Variants in UGDH observed in about 807,000 individuals in gnomAD.
UGDH encodes the protein UDP-glucose 6-dehydrogenase, also known as UDP-Glc dehydrogenase.
Under a neutral mutation model 50.6 loss-of-function variants are expected in UGDH, and 38 were observed. That is an observed-to-expected ratio of 0.75 (90% CI 0.58 to 0.98). UGDH has a LOEUF of 0.98. Among genes scored for constraint, UGDH ranks in the 50% least tolerant of loss-of-function variants. The pLI is 0.00. For missense variants in UGDH, 465 were observed against 606.2 expected, an observed-to-expected ratio of 0.77 and a Z score of 2.45; for synonymous variants, 168 against 199.9, an observed-to-expected ratio of 0.84 and a Z score of 1.35.
At position 39,500,139 on chromosome 4, in the gene UGDH, A is replaced by G. The variant is rs774232472; in HGVS notation, c.*4T>C. On this transcript the variant is annotated 3_prime_UTR_variant, in exon 12 of 12. Transcript: ENST00000316423. Reference sequence around the variant, plus strand: ...AAAAAAATCACAAATAAAAATGGCAATCTCTACACTTTAGGTTTCTTGTTA... The same window carrying G: ...AAAAAAATCACAAATAAAAATGGCAGTCTCTACACTTTAGGTTTCTTGTTA... 2 of 1,511,538 alleles carry G rather than the reference A, an allele frequency of 1.3e-6. No homozygotes were observed. Among genetic ancestry groups the G allele is most frequent in the Middle Eastern group, 1.8e-4 (1 of 5,554 alleles). The allele number at this position is 1,511,538 out of a possible 1,614,324, so 93.6% of individuals were successfully genotyped here.
At position 39,510,692 on chromosome 4, in the gene UGDH, T is replaced by C; in HGVS notation, c.434A>G (p.Asp145Gly). Residue 145 changes from aspartate to glycine, a missense_variant, in exon 4 of 12, where the codon GAT becomes GGT. Transcript: ENST00000316423. ...RAAESIRRIF[D>G]ANTKPNLNLQ... ...ATTCAAGTTGGGTTTTGTGTTTGCA[T>C]CAAATATGCGACGGATACTTTCTGC... 6.2e-7 allele frequency: 1 copy of C among 1,614,254 alleles called. No homozygotes were observed. The highest frequency in any genetic ancestry group is 2.2e-5 in the East Asian group (1 of 44,892).
In UGDH at chr4:39,504,484, T is replaced by C. The variant is rs763473129; in HGVS notation, c.1196A>G (p.Lys399Arg). Residue 399 changes from lysine (K) to arginine (R), a missense_variant, in exon 10 of 12, where the codon AAG becomes AGG. Physicochemically the swap from Lys to Arg is conservative, Grantham distance 26. Coordinates refer to ENST00000316423, the MANE Select transcript of UGDH (RefSeq NM_003359.4). ...ACCATCACATGCTTCATATGGATCC[T>C]TGGAAATGGTCACGAGCCGGGACAC... The part of the protein sequence containing the change: ...DQVSRLVTIS[K>R]DPYEACDGAH... 7.4e-6 allele frequency: 12 copies of C among 1,613,554 alleles called. No homozygotes were observed. In the Admixed American group the frequency reaches 1.2e-4, roughly 16 times the overall value.
rs768294518 is a variant in UGDH, at chr4:39,510,599, C to A, written c.466-49G>T. On this transcript the variant is annotated intron_variant, in intron 4 of 11. Transcript: ENST00000316423. Reference sequence around the variant, plus strand: ...GTTTTAAGCTAGAATTAATTATGGGCAACTTTAACACATCAGTATTTACAT... The same window carrying A: ...GTTTTAAGCTAGAATTAATTATGGGAAACTTTAACACATCAGTATTTACAT... 6 of 1,613,756 alleles carry A rather than the reference C, an allele frequency of 3.7e-6. No individual in the cohort carries two copies. The Admixed American group carries it at 1.0e-4, about 27-fold the overall frequency.
Position 39,510,376 on chromosome 4 carries a change from A to G in UGDH, c.640T>C (p.Trp214Arg), listed in dbSNP as rs1746191725. The G allele has an allele frequency of 6.2e-7, 1 of 1,614,112 alleles. No individual in the cohort carries two copies. The highest frequency in any genetic ancestry group is 1.7e-5 in the Admixed American group (1 of 60,010). ...ACCAGTTTGGAAAGCTCTGAAGACC[A>G]AGTATTAGTGGTGAGGATCTTTTCT... ...PREKILTTNT[W>R]SSELSKLAAN... Residue 214 changes from tryptophan to arginine, a missense_variant, in exon 5 of 12, where the codon TGG becomes CGG. Trp to Arg is a moderately radical substitution (Grantham distance 101, BLOSUM62 -3). Coordinates refer to ENST00000316423, the MANE Select transcript of UGDH (RefSeq NM_003359.4).
At chr4:39,505,184 TAA>T in intron 9 of UGDH, 51 bp downstream of exon 9, 1 of 1,551,418 alleles carries the variant, frequency 6.4e-7, no homozygotes, top group Non-Finnish European at 8.6e-7. Flanking sequence ...TTCCAAAAGA[TAA>T]AAAGTTTTCA....
intron 3 of UGDH, among the ~76,000 whole-genome samples, chr4:39,511,096 C>T (rs138769057): frequency 5.9e-4 from 89 of 152,046 alleles, no homozygotes; most frequent in African/African-American, 2.1e-3. Context: ...ATCTATATGC[C>T]GGATAACTAG....
At chr4:39,520,750 T>C (rs144278643) in intron 2 of UGDH, among the ~76,000 whole-genome samples, 150 of 151,714 alleles carry the variant, frequency 9.9e-4, no homozygotes, top group African/African-American at 3.4e-3. Context: ...TATTATAATA[T>C]GGTAATGATA....
chr4:39,500,283 A>AAT, intron 11 of UGDH, 30 bp from the exon 12 acceptor site: 2 of 1,356,240 alleles, frequency 1.5e-6, no homozygotes, highest in Non-Finnish European at 2.1e-6. Flanking sequence ...TAAGAGAACT[A>AAT]TTAACAATTA....
At chr4:39,512,607 T>C (rs1359147635) in intron 3 of UGDH, among the ~76,000 whole-genome samples, 1 of 152,178 alleles carries the variant, frequency 6.6e-6, no homozygotes, top group African/African-American at 2.4e-5. Flanking sequence ...CAGAAAATTA[T>C]TCTATTACCA....
intron 2 of UGDH, among the ~76,000 whole-genome samples, chr4:39,519,136 C>T (rs748631317): frequency 2.0e-5 from 3 of 151,484 alleles, no homozygotes; most frequent in East Asian, 2.0e-4. Context: ...AGGCTGGTTT[C>T]GAACTCATGA....
At chr4:39,509,986 T>C (rs894191902) in intron 5 of UGDH, 79 bp from the exon 6 acceptor site, 2 of 1,443,580 alleles carry the variant, frequency 1.4e-6, no homozygotes, top group African/African-American at 1.4e-5. Flanking sequence ...TTTCATTGCG[T>C]TGACGCAAAT....
At chr4:39,517,388 T>A (rs1172170426) in intron 2 of UGDH, among the ~76,000 whole-genome samples, 6 of 152,020 alleles carry the variant, frequency 3.9e-5, no homozygotes, top group African/African-American at 1.2e-4. Flanking sequence ...TGTATTTTTT[T>A]AAATACAGAC....
At chr4:39,521,012 G>A (rs142237369) in intron 2 of UGDH, among the ~76,000 whole-genome samples, 2 of 148,940 alleles carry the variant, frequency 1.3e-5, no homozygotes, top group African/African-American at 2.5e-5. Context: ...GGGTGTTGCC[G>A]TGAGCTGAGC....
chr4:39,523,878 G>A (rs1189144423), intron 1 of UGDH, among the ~76,000 whole-genome samples: 1 of 151,874 alleles, frequency 6.6e-6, no homozygotes, highest in East Asian at 1.9e-4. Context: ...TTGTAACAAG[G>A]TACACATGAG....
chr4:39,504,618 C>T (rs1453881824), intron 9 of UGDH, 110 bp from the exon 10 acceptor site: 7 of 958,672 alleles, frequency 7.3e-6, no homozygotes, highest in African/African-American at 3.2e-5. Context: ...CAGTAGATGT[C>T]TGAAACTGTG....
At chr4:39,518,341 CTAA>C (rs547453311) in intron 2 of UGDH, among the ~76,000 whole-genome samples, 127 of 151,932 alleles carry the variant, frequency 8.4e-4, no homozygotes, top group Admixed American at 1.9e-3. Flanking sequence ...GGATCACAGA[CTAA>C]TAGTTTTTTT....
rs187623172 is a variant in UGDH, at chr4:39,505,769, G to A, written c.907-21C>T. 2.0e-5 allele frequency: 31 copies of A among 1,586,672 alleles called. No individual in the cohort carries two copies. In the African/African-American group the frequency reaches 3.8e-4, roughly 19 times the overall value. ...ATGACCTGAAATTACATGTACAATT[G>A]TGCAATGATTAGTTAAAAGAGGCAC... On this transcript the variant is annotated intron_variant, in intron 7 of 11. Coordinates refer to ENST00000316423, the MANE Select transcript of UGDH (RefSeq NM_003359.4).
chr4:39,526,446 C>T (rs1406268926), intron 1 of UGDH: 3 of 152,174 alleles, frequency 2.0e-5, no homozygotes, highest in Non-Finnish European at 2.9e-5. Context: ...TCTTTCATTT[C>T]CAGAACCCCC....
intron 1 of UGDH, among the ~76,000 whole-genome samples, chr4:39,524,628 A>C (rs1370957568): frequency 4.6e-5 from 7 of 151,896 alleles, no homozygotes; most frequent in Admixed American, 2.6e-4. Flanking sequence ...TAGCCTCCCA[A>C]GTACCAAGTA....
Sources: gnomAD v4.1 joint callset for allele counts (sites outside exome capture counted in the v4.1 genomes callset) on GRCh38, gnomAD v4.1.1 for gene constraint, MANE v1.5 for transcripts, NCBI Gene and HGNC (gene_info 2026-07-23, HGNC 2026-07-21) for gene names.